Variants in EREG observed in about 807,000 individuals in gnomAD.
EREG encodes proepiregulin.
A neutral mutation model predicts 22.4 loss-of-function variants in EREG; 23 were observed. The ratio of observed to expected loss-of-function variants is 1.03; its 90% CI spans 0.74 to 1.46. The LOEUF (loss-of-function observed/expected upper bound fraction) is 1.46. Ranked by LOEUF, EREG falls within the 40% of genes most tolerant of loss-of-function variation. The pLI, the probability that EREG is intolerant of heterozygous loss-of-function variation, is 0.00. For synonymous variants in EREG, 100 were observed against 75.4 expected (o/e 1.33, Z -1.69); for missense variants, 226 against 205.9 (o/e 1.10, Z -0.60).
intron 1 of EREG, among the ~76,000 whole-genome samples, chr4:74,374,142 T>C (rs1752340308): frequency 6.6e-6 from 1 of 152,204 alleles, no homozygotes; most frequent in Non-Finnish European, 1.5e-5. Flanking sequence ...CAAGTTTGCT[T>C]TTCTGGTCTA....
intron 4 of EREG, 54 bp downstream of exon 4, chr4:74,382,848 A>C: frequency 7.4e-7 from 1 of 1,357,290 alleles, no homozygotes; most frequent in South Asian, 1.3e-5. Flanking sequence ...TACATAATGC[A>C]GACCTATAAA....
At chr4:74,367,537 TG>T (rs1388627036) in intron 1 of EREG, among the ~76,000 whole-genome samples, 6 of 152,210 alleles carry the variant, frequency 3.9e-5, no homozygotes, top group African/African-American at 1.4e-4. Flanking sequence ...CATGCCTACA[TG>T]GGTTTTTGAA....
intron 2 of EREG, among the ~76,000 whole-genome samples, chr4:74,380,006 A>G (rs1000841861): frequency 6.6e-6 from 1 of 152,228 alleles, no homozygotes; most frequent in Non-Finnish European, 1.5e-5. Flanking sequence ...TCGAGTATGT[A>G]GTATGCACCA....
intron 1 of EREG, among the ~76,000 whole-genome samples, chr4:74,372,656 G>A (rs1752309998): frequency 6.6e-6 from 1 of 152,112 alleles, no homozygotes; most frequent in South Asian, 2.1e-4. Flanking sequence ...TCTTATGTAA[G>A]ATTGTCTTGA....
intron 1 of EREG, among the ~76,000 whole-genome samples, chr4:74,366,374 A>G (rs573641944): frequency 7.9e-5 from 12 of 152,224 alleles, no homozygotes; most frequent in Admixed American, 3.3e-4. Flanking sequence ...ATTTTGGCAC[A>G]CCTTATCTCA....
intron 1 of EREG, 66 bp downstream of exon 1, chr4:74,365,441 A>G: frequency 7.2e-7 from 1 of 1,395,324 alleles, no homozygotes; most frequent in Non-Finnish European, 9.9e-7. Context: ...GCTCCTGTGC[A>G]TTTGTCATTC....
At chr4:74,367,827 T>C (rs912759875) in intron 1 of EREG, among the ~76,000 whole-genome samples, 5 of 152,158 alleles carry the variant, frequency 3.3e-5, no homozygotes, top group Admixed American at 1.3e-4. Context: ...AGTCTTGCCA[T>C]GTGAGCAGCT....
rs1752565846 is a variant in EREG, at chr4:74,386,187, T to C, written c.*1379T>C. The C allele has an allele frequency of 5.2e-6, 1 of 193,838 alleles. No homozygotes were observed. The allele number at this position is 193,838 out of a possible 1,614,324, so 12.0% of individuals were successfully genotyped here. On this transcript the variant is annotated 3_prime_UTR_variant, in exon 5 of 5. Coordinates refer to ENST00000244869, the MANE Select transcript of EREG (RefSeq NM_001432.3). ...TTGGATTTTATGGGAGGCTCCTTCATCGAATGCTAAACCTTTGAGTAGAGT... is the reference window on the plus strand; with the variant it reads ...TTGGATTTTATGGGAGGCTCCTTCACCGAATGCTAAACCTTTGAGTAGAGT...
Position 74,386,065 on chromosome 4 carries a change from G to C in EREG, c.*1257G>C. 1 of 347,196 alleles carries C rather than the reference G, an allele frequency of 2.9e-6. No individual in the cohort carries two copies. Among genetic ancestry groups the C allele is most frequent in the Non-Finnish European group, 5.2e-6 (1 of 193,292 alleles). The allele number at this position is 347,196 out of a possible 1,614,324, so 21.5% of individuals were successfully genotyped here. A position where few individuals can be genotyped will look rare whatever the true frequency, so the allele number is the denominator to read the frequency against. On this transcript the variant is annotated 3_prime_UTR_variant, in exon 5 of 5. Coordinates refer to ENST00000244869, the MANE Select transcript of EREG (RefSeq NM_001432.3). ...TGACATTTGTTTATTTTTTGGAAGA[G>C]ACAAAGATTTCTTCTGCACTCTGAG... is the stretch of plus-strand genomic sequence containing the variant.
chr4:74,382,662 C>A lies in EREG; in HGVS notation c.296C>A (p.Thr99Asn), dbSNP rs1428466382. The A allele has an allele frequency of 1.2e-6, 2 of 1,608,618 alleles. No individual in the cohort carries two copies. The highest frequency in any genetic ancestry group is 1.7e-6 in the Non-Finnish European group (2 of 1,177,900). Reference protein sequence around the residue: ...QNYCRCEVGYTGVRCEHFFLT... With the variant: ...QNYCRCEVGYNGVRCEHFFLT... ...TCCTTCAGGTGTGAAGTGGGTTATA[C>A]TGGTGTCCGATGTGAACACTTCTTT... The change falls in exon 4 of 5, where the codon ACT becomes AAT. Residue 99 changes from threonine (T) to asparagine (N), a missense_variant. Coordinates refer to ENST00000244869, the MANE Select transcript of EREG (RefSeq NM_001432.3).
In EREG at chr4:74,380,658, A is replaced by T. The variant is rs539387537; in HGVS notation, c.155-356A>T. ...TAATAGATTTCAGAAATGTTTTGGG[A>T]CTTGAGAAAAATTAGACAAATTTTG... On this transcript the variant is annotated intron_variant, in intron 2 of 4. Coordinates refer to ENST00000244869, the MANE Select transcript of EREG (RefSeq NM_001432.3). Among the ~76,000 whole-genome samples, 37 of 152,304 alleles carry T rather than the reference A, an allele frequency of 2.4e-4. 1 individual carries two copies. In the South Asian group the frequency reaches 4.6e-3, roughly 19 times the overall value.
chr4:74,383,072 AT>A lies in EREG; in HGVS notation c.428+279del, dbSNP rs1373081979. Reference sequence around the variant, plus strand: ...TAACTTGAAATTATTTTTTAAAAATATGTTTTTGCTGCAGAACATCTGGATT... The same window carrying A: ...TAACTTGAAATTATTTTTTAAAAATAGTTTTTGCTGCAGAACATCTGGATT... On this transcript the variant is annotated intron_variant, in intron 4 of 4. Transcript: ENST00000244869. 3.9e-5 allele frequency among the ~76,000 whole-genome samples: 6 copies of A among 152,342 alleles called. No individual in the cohort carries two copies. The East Asian group carries it at 1.2e-3, about 29-fold the overall frequency.
chr4:74,370,401 A>G (rs1474903116), intron 1 of EREG, among the ~76,000 whole-genome samples: 1 of 152,204 alleles, frequency 6.6e-6, no homozygotes, highest in East Asian at 1.9e-4. Flanking sequence ...CCACTATGTT[A>G]TAGACTCAAT....
chr4:74,368,245 G>A (rs1026606394), intron 1 of EREG, among the ~76,000 whole-genome samples: 3 of 152,106 alleles, frequency 2.0e-5, no homozygotes, highest in African/African-American at 7.2e-5. Context: ...AATAAAAGGT[G>A]ACTATTCTCT....
Position 74,382,698 on chromosome 4 carries a change from A to G in EREG, c.332A>G (p.His111Arg). ...TGTGAACACTTCTTTTTAACCGTCC[A>G]CCAACCTTTAAGCAAAGAATATGTG... is the stretch of plus-strand genomic sequence containing the variant. ...VRCEHFFLTV[H>R]QPLSKEYVAL... The change falls in exon 4 of 5, where the codon CAC (histidine) becomes CGC (arginine). Residue 111 changes from histidine (H) to arginine (R), a missense_variant. His to Arg is a conservative substitution (Grantham distance 29, BLOSUM62 0). Transcript: ENST00000244869. 1 of 1,613,764 alleles carries G rather than the reference A, an allele frequency of 6.2e-7. No individual in the cohort carries two copies. The highest frequency in any genetic ancestry group is 1.7e-5 in the Admixed American group (1 of 59,998).
chr4:74,388,068 A>G lies in EREG; in HGVS notation c.*3260A>G, dbSNP rs191498935. ...TACGTCTTAAGTCAGATTTTTATTTATGAGTCTTTGAGACTAAATTCAATC... is the reference window on the plus strand; with the variant it reads ...TACGTCTTAAGTCAGATTTTTATTTGTGAGTCTTTGAGACTAAATTCAATC... On this transcript the variant is annotated 3_prime_UTR_variant, in exon 5 of 5. Transcript: ENST00000244869. 17 of 152,320 alleles carry G rather than the reference A, an allele frequency of 1.1e-4. No individual in the cohort carries two copies. The highest frequency in any genetic ancestry group is 2.2e-4 in the Non-Finnish European group (15 of 68,024). The allele number at this position is 152,320 out of a possible 1,614,324, so 9.4% of individuals were successfully genotyped here.
chr4:74,386,349 G>T lies in EREG; in HGVS notation c.*1541G>T, dbSNP rs1752568872. The stretch of plus-strand genomic sequence containing the variant: ...CAGGTGCCAGGACTTGTCTCCATGT[G>T]TATCCATGCATTATATACCCTGGTG... On this transcript the variant is annotated 3_prime_UTR_variant, in exon 5 of 5. Transcript: ENST00000244869. The T allele has an allele frequency of 6.6e-6, 1 of 152,446 alleles. No individual in the cohort carries two copies. Among genetic ancestry groups the T allele is most frequent in the Non-Finnish European group, 1.5e-5 (1 of 68,224 alleles). 9.4% of individuals were successfully genotyped at this position (152,446 alleles called of 1,614,324 possible).
Position 74,385,612 on chromosome 4 carries a change from G to A in EREG, c.*804G>A, listed in dbSNP as rs1326917711. ...TATGTGAGGTAATTATTGCTCAACAGACAATTAGAAAAAAGTCCACACTTG... is the reference window on the plus strand; with the variant it reads ...TATGTGAGGTAATTATTGCTCAACAAACAATTAGAAAAAAGTCCACACTTG... On this transcript the variant is annotated 3_prime_UTR_variant, in exon 5 of 5. Transcript: ENST00000244869. The A allele has an allele frequency of 3.1e-5, 10 of 321,858 alleles. No homozygotes were observed. The highest frequency in any genetic ancestry group is 1.5e-4 in the Admixed American group (3 of 20,240). The allele number at this position is 321,858 out of a possible 1,614,324, so 19.9% of individuals were successfully genotyped here.
intron 1 of EREG, among the ~76,000 whole-genome samples, chr4:74,373,255 A>C (rs546908021): frequency 6.6e-6 from 1 of 152,192 alleles, no homozygotes; most frequent in African/African-American, 2.4e-5. Context: ...GCATTGTATG[A>C]TAATATGTAA....
Sources: allele counts gnomAD v4.1 joint callset (sites outside exome capture counted in the v4.1 genomes callset), GRCh38; gene constraint gnomAD v4.1.1; transcripts MANE v1.5; gene names NCBI Gene and HGNC (gene_info 2026-07-23, HGNC 2026-07-21).